Variants in SLC35F2 observed in about 807,000 individuals in gnomAD.
SLC35F2 encodes the protein solute carrier family 35 member F2.
SLC35F2 carries 25 observed loss-of-function variants against 38.1 expected under a neutral mutation model. The ratio of observed to expected loss-of-function variants is 0.66; its 90% CI spans 0.48 to 0.92. The LOEUF is 0.92. Ranked by LOEUF, SLC35F2 falls within the 40% of genes least tolerant of loss-of-function variation. SLC35F2 has a pLI of 0.00. For synonymous variants in SLC35F2, 173 were observed against 181.7 expected, an observed-to-expected ratio of 0.95 and a Z score of 0.38; for missense variants, 409 against 452.9, an observed-to-expected ratio of 0.90 and a Z score of 0.88.
At chr11:107,798,628 T>C (rs1193867759) in intron 7 of SLC35F2, among the ~76,000 whole-genome samples, 2 of 152,142 alleles carry the variant, frequency 1.3e-5, no homozygotes, top group South Asian at 2.1e-4. Context: ...TCAAGATCAA[T>C]TTCAGGAGAG....
At chr11:107,853,830 T>A (rs1860232435) in intron 1 of SLC35F2, among the ~76,000 whole-genome samples, 1 of 151,854 alleles carries the variant, frequency 6.6e-6, no homozygotes, top group Non-Finnish European at 1.5e-5. Flanking sequence ...ATTTATCTAT[T>A]TGATGGGAAA....
chr11:107,832,163 T>C, intron 1 of SLC35F2, among the ~76,000 whole-genome samples: 1 of 152,088 alleles, frequency 6.6e-6, no homozygotes, highest in South Asian at 2.1e-4. Flanking sequence ...GCAGAGCAAG[T>C]TTAGTATGGG....
intron 2 of SLC35F2, among the ~76,000 whole-genome samples, chr11:107,813,791 A>G (rs750971075): frequency 2.0e-4 from 30 of 152,082 alleles, no homozygotes; most frequent in Non-Finnish European, 2.6e-4. Context: ...CAGCCTCCCA[A>G]GTAGCTGGGA....
intron 1 of SLC35F2, among the ~76,000 whole-genome samples, chr11:107,853,100 T>C (rs564721126): frequency 2.0e-5 from 3 of 152,032 alleles, no homozygotes; most frequent in Non-Finnish European, 4.4e-5. Context: ...TACTTGAAGT[T>C]CCTTAAGCAA....
chr11:107,856,906 AG>A (rs1235947377), intron 1 of SLC35F2, among the ~76,000 whole-genome samples: 837 of 23,270 alleles, frequency 0.036, 28 homozygotes, highest in Admixed American at 0.058. Context: ...GAAGGAAGGA[AG>A]GGAGGGAGGG....
At chr11:107,825,020 C>A (rs1454489205) in intron 1 of SLC35F2, among the ~76,000 whole-genome samples, 1 of 151,872 alleles carries the variant, frequency 6.6e-6, no homozygotes, top group African/African-American at 2.4e-5. Context: ...AATAAAATAG[C>A]CATATATGGA....
At chr11:107,823,163 T>C (rs1859701846) in intron 1 of SLC35F2, 2 of 985,366 alleles carry the variant, frequency 2.0e-6, no homozygotes, top group Middle Eastern at 5.2e-4. Flanking sequence ...GATCAGATTC[T>C]CAGAGGGTAG....
intron 1 of SLC35F2, among the ~76,000 whole-genome samples, chr11:107,829,677 CAA>C (rs59625402): frequency 0.12 from 10,711 of 87,160 alleles, 1,015 homozygotes; most frequent in African/African-American, 0.33. Context: ...TGAAATCTCA[CAA>C]AAAAAAAAAA....
At chr11:107,828,116 C>G (rs969685338) in intron 1 of SLC35F2, among the ~76,000 whole-genome samples, 4 of 152,132 alleles carry the variant, frequency 2.6e-5, no homozygotes, top group African/African-American at 4.8e-5. Flanking sequence ...TGGACTGAAA[C>G]ACCTCAAATG....
intron 6 of SLC35F2, chr11:107,803,566 G>C (rs1046160703): frequency 2.2e-6 from 2 of 898,018 alleles, no homozygotes; most frequent in Non-Finnish European, 2.7e-6. Flanking sequence ...GGTTGGACAT[G>C]ATTTGTATAA....
intron 2 of SLC35F2, among the ~76,000 whole-genome samples, chr11:107,812,155 C>T (rs1859492801): frequency 6.6e-6 from 1 of 151,664 alleles, no homozygotes; most frequent in South Asian, 2.1e-4. Flanking sequence ...ATCTGCCTGC[C>T]TCAGCTTCCC....
At chr11:107,838,968 T>C (rs1038630738) in intron 1 of SLC35F2, among the ~76,000 whole-genome samples, 11 of 152,098 alleles carry the variant, frequency 7.2e-5, no homozygotes, top group African/African-American at 2.4e-4. Context: ...TCTTGTGAGA[T>C]AGAGATTATT....
At chr11:107,792,938 A>G in intron 7 of SLC35F2, 138 bp from the exon 8 acceptor site, 2 of 1,340,500 alleles carry the variant, frequency 1.5e-6, no homozygotes, top group Non-Finnish European at 9.5e-7. Flanking sequence ...TCTTTTTAAG[A>G]CAGGGTCTCG....
At chr11:107,853,930 T>A (rs547727796) in intron 1 of SLC35F2, among the ~76,000 whole-genome samples, 1 of 151,950 alleles carries the variant, frequency 6.6e-6, no homozygotes, top group Non-Finnish European at 1.5e-5. Flanking sequence ...TTAAAATATA[T>A]GAATAGGCCT....
chr11:107,842,287 T>TAAAAAAAAAAAAAAAAAA (rs1292690214), intron 1 of SLC35F2, among the ~76,000 whole-genome samples: 12 of 71,178 alleles, frequency 1.7e-4, no homozygotes, highest in South Asian at 1.1e-3. Flanking sequence ...AAAAAAAAAT[T>TAAAAAAAAAAAAAAAAAA]AAAGCTTGAC....
Position 107,792,438 on chromosome 11 carries a change from A to G in SLC35F2, c.*177T>C, listed in dbSNP as rs181198109. On this transcript the variant is annotated 3_prime_UTR_variant, in exon 8 of 8. Transcript: ENST00000525815. The stretch of plus-strand genomic sequence containing the variant: ...ACACTCTTAGCTTGGTTTCTGCTCT[A>G]TTTTGGTATTTCTACTTTTGAACTT... 71 of 670,744 alleles carry G rather than the reference A, an allele frequency of 1.1e-4. No homozygotes were observed. Among genetic ancestry groups the G allele is most frequent in the Middle Eastern group, 4.3e-4 (1 of 2,334 alleles). The allele number at this position is 670,744 out of a possible 1,614,324, so 41.5% of individuals were successfully genotyped here. A position where few individuals can be genotyped will look rare whatever the true frequency, so the allele number is the denominator to read the frequency against.
intron 7 of SLC35F2, among the ~76,000 whole-genome samples, chr11:107,800,088 CCG>C (rs1213973782): frequency 6.6e-6 from 1 of 151,468 alleles, no homozygotes; most frequent in African/African-American, 2.4e-5. Context: ...CAGGGTTTCA[CCG>C]TGTTAGCCAG....
chr11:107,810,974 A>G (rs1357416426), intron 3 of SLC35F2: 3 of 982,996 alleles, frequency 3.1e-6, no homozygotes, highest in Non-Finnish European at 3.6e-6. Context: ...AAATGAAAAA[A>G]AAGTTATAAA....
chr11:107,807,302 A>C (rs1412996860), intron 3 of SLC35F2, among the ~76,000 whole-genome samples: 1 of 143,984 alleles, frequency 6.9e-6, no homozygotes, highest in East Asian at 2.1e-4. Flanking sequence ...ACAAAAAAAA[A>C]CCTTGGGTGT....
Sources: gnomAD v4.1 joint callset for allele counts (sites outside exome capture counted in the v4.1 genomes callset) on GRCh38, gnomAD v4.1.1 for gene constraint, MANE v1.5 for transcripts, NCBI Gene and HGNC (gene_info 2026-07-23, HGNC 2026-07-21) for gene names.